Variants in VWA8 observed in about 807,000 individuals in gnomAD.
VWA8 encodes the protein von Willebrand factor A domain containing 8, also known as von Willebrand factor A domain-containing protein 8.
Under a neutral mutation model 241.5 loss-of-function variants are expected in VWA8, and 221 were observed. The ratio of observed to expected loss-of-function variants is 0.91; its 90% CI spans 0.82 to 1.02. The LOEUF (loss-of-function observed/expected upper bound fraction) is 1.02. Ranked by LOEUF, VWA8 falls within the 50% of genes least tolerant of loss-of-function variation. The pLI, the probability that VWA8 is intolerant of heterozygous loss-of-function variation, is 0.00. For synonymous variants in VWA8, 852 were observed against 827.1 expected, an observed-to-expected ratio of 1.03 and a Z score of -0.52; for missense variants, 2,322 against 2,328.7, an observed-to-expected ratio of 1.00 and a Z score of 0.06.
intron 38 of VWA8, among the ~76,000 whole-genome samples, chr13:41,614,103 A>T (rs919314657): frequency 1.3e-5 from 2 of 152,236 alleles, no homozygotes; most frequent in African/African-American, 2.4e-5. Flanking sequence ...AGATCAAAGG[A>T]CATTTCTAAA....
intron 17 of VWA8, among the ~76,000 whole-genome samples, chr13:41,802,508 C>T (rs770137040): frequency 4.6e-5 from 7 of 152,188 alleles, no homozygotes; most frequent in East Asian, 1.9e-4. Flanking sequence ...GACACCAGTG[C>T]GGACAGCCAA....
chr13:41,640,836 GT>G (rs889275395), intron 37 of VWA8, among the ~76,000 whole-genome samples: 1 of 152,164 alleles, frequency 6.6e-6, no homozygotes, highest in Non-Finnish European at 1.5e-5. Flanking sequence ...CAATCCAGTT[GT>G]TCATCCTGAT....
chr13:41,681,944 A>G (rs1303460841), intron 35 of VWA8, among the ~76,000 whole-genome samples: 1 of 152,232 alleles, frequency 6.6e-6, no homozygotes, highest in Non-Finnish European at 1.5e-5. Context: ...AGAGTTATGT[A>G]ATGGACAAAC....
At position 41,575,742 on chromosome 13, in the gene VWA8, T is replaced by C; in HGVS notation, c.5368A>G (p.Lys1790Glu). 6.2e-7 allele frequency: 1 copy of C among 1,609,030 alleles called. No homozygotes were observed. The highest frequency in any genetic ancestry group is 8.5e-7 in the Non-Finnish European group (1 of 1,176,580). Residue 1790 changes from lysine to glutamate, a missense_variant and splice_region_variant, in exon 43 of 45, where the codon AAG becomes GAG. Transcript: ENST00000379310. ...CAGAGGTAATAAAATATATTTACCT[T>C]CAGAATTTCTAGTCTTTGCTTATTG... ...KDNKQRLEIL[K>E]TMHAHSQFCM...
intron 12 of VWA8, among the ~76,000 whole-genome samples, chr13:41,861,838 TA>T (rs1873021496): frequency 6.6e-6 from 1 of 152,080 alleles, no homozygotes; most frequent in African/African-American, 2.4e-5. Context: ...GCTGTGCTCC[TA>T]AGAATTACAA....
chr13:41,926,223 CAT>C (rs1214015803), intron 2 of VWA8: 9 of 692,354 alleles, frequency 1.3e-5, no homozygotes, highest in Non-Finnish European at 2.4e-5. Flanking sequence ...TCCCCACATG[CAT>C]ATGTTACCTC....
At chr13:41,912,401 G>A (rs1400013860) in intron 2 of VWA8, among the ~76,000 whole-genome samples, 18 of 151,928 alleles carry the variant, frequency 1.2e-4, no homozygotes. Flanking sequence ...AACCATTATT[G>A]TCGATGCTAA....
chr13:41,733,342 T>A (rs1013639676), intron 21 of VWA8, among the ~76,000 whole-genome samples: 4 of 152,014 alleles, frequency 2.6e-5, no homozygotes, highest in Non-Finnish European at 5.9e-5. Flanking sequence ...AGCTGTGGAG[T>A]AGTGCAAAGA....
intron 28 of VWA8, among the ~76,000 whole-genome samples, chr13:41,699,639 T>C (rs1483920080): frequency 6.6e-6 from 1 of 152,244 alleles, no homozygotes; most frequent in Admixed American, 6.5e-5. Flanking sequence ...TTGGTTCAGA[T>C]GGACACCAGT....
At chr13:41,667,648 A>G (rs373642498) in intron 37 of VWA8, among the ~76,000 whole-genome samples, 179 of 152,338 alleles carry the variant, frequency 1.2e-3, no homozygotes, top group Non-Finnish European at 1.8e-3. Context: ...TCACCAAGAG[A>G]AGATGATCTG....
chr13:41,869,484 T>C (rs1432173263), intron 9 of VWA8, among the ~76,000 whole-genome samples: 1 of 151,746 alleles, frequency 6.6e-6, no homozygotes, highest in African/African-American at 2.4e-5. Context: ...ATACAAAAAT[T>C]AGCTGGGCAT....
intron 37 of VWA8, among the ~76,000 whole-genome samples, chr13:41,621,364 C>T (rs987861234): frequency 2.0e-5 from 3 of 152,138 alleles, no homozygotes; most frequent in South Asian, 2.1e-4. Context: ...TTCTAACTTA[C>T]GATGGGTTTA....
intron 12 of VWA8, among the ~76,000 whole-genome samples, chr13:41,855,218 G>C (rs1350092805): frequency 6.6e-6 from 1 of 151,206 alleles, no homozygotes; most frequent in Non-Finnish European, 1.5e-5. Context: ...GAGAAGGGCT[G>C]AGCACCAGAA....
chr13:41,836,818 A>T (rs1379037545), intron 12 of VWA8, among the ~76,000 whole-genome samples: 1 of 152,184 alleles, frequency 6.6e-6, no homozygotes, highest in Non-Finnish European at 1.5e-5. Flanking sequence ...CACAATATGC[A>T]GCAGCAGATC....
At chr13:41,718,461 C>A (rs1393576633) in intron 26 of VWA8, among the ~76,000 whole-genome samples, 4 of 151,804 alleles carry the variant, frequency 2.6e-5, no homozygotes, top group African/African-American at 7.2e-5. Flanking sequence ...CAACTGCCAC[C>A]CAGTCATTCT....
chr13:41,646,795 T>C lies in VWA8; in HGVS notation c.4611+24151A>G, dbSNP rs181417411. 5.2e-4 allele frequency among the ~76,000 whole-genome samples: 79 copies of C among 152,348 alleles called. No individual in the cohort carries two copies. The East Asian group carries it at 0.013, about 26-fold the overall frequency. On this transcript the variant is annotated intron_variant, in intron 37 of 44. Transcript: ENST00000379310. The stretch of plus-strand genomic sequence containing the variant: ...TTAGATTAAAGGGCTAGCATATCTT[T>C]CAGAAGGTTAGTAAAATACTGTATT...
chr13:41,602,605 T>C (rs568544333), intron 40 of VWA8, among the ~76,000 whole-genome samples: 1 of 152,290 alleles, frequency 6.6e-6, no homozygotes, highest in South Asian at 2.1e-4. Context: ...GTACCTGGCC[T>C]GTAATCCAGG....
chr13:41,626,918 T>G (rs1261945566), intron 37 of VWA8, among the ~76,000 whole-genome samples: 1 of 152,166 alleles, frequency 6.6e-6, no homozygotes, highest in Admixed American at 6.5e-5. Context: ...AATTGGTAAG[T>G]GGAACCTACT....
At chr13:41,694,824 C>T (rs2045205621) in intron 29 of VWA8, among the ~76,000 whole-genome samples, 1 of 152,102 alleles carries the variant, frequency 6.6e-6, no homozygotes, top group Non-Finnish European at 1.5e-5. Context: ...GTATCGTCTT[C>T]CATTTTCCTA....
Sources: allele counts gnomAD v4.1 joint callset (sites outside exome capture counted in the v4.1 genomes callset), GRCh38; gene constraint gnomAD v4.1.1; transcripts MANE v1.5; gene names NCBI Gene and HGNC (gene_info 2026-07-23, HGNC 2026-07-21).